Variants in RBM26 observed in about 807,000 individuals in gnomAD.
The protein encoded by RBM26 is RNA binding motif protein 26.
In RBM26, 30 loss-of-function variants were observed where a neutral mutation model predicts 123.6. That is an observed-to-expected ratio of 0.24 (90% CI 0.18 to 0.33). The LOEUF (loss-of-function observed/expected upper bound fraction) is 0.33, where lower values mean the gene tolerates loss of function less well. Among genes scored for constraint, RBM26 ranks in the 10% least tolerant of loss-of-function variants. RBM26 has a pLI of 1.00. For synonymous variants in RBM26, 400 were observed against 404.4 expected (o/e 0.99, Z 0.13); for missense variants, 947 against 1,203.6 (o/e 0.79, Z 3.15).
At position 79,367,406 on chromosome 13, in the gene RBM26, C is replaced by CAAAAAAAAAAAAAAAAAA. The variant is rs776345304; in HGVS notation, c.896-552_896-535dup. On this transcript the variant is annotated intron_variant, in intron 6 of 21. Coordinates refer to ENST00000438737, the MANE Select transcript of RBM26 (RefSeq NM_001366735.2). The stretch of plus-strand genomic sequence containing the variant: ...TGGGGTATAGGGGGAGACTCCATCT[C>CAAAAAAAAAAAAAAAAAA]AAAAAAAAAAAAAAAAAAAAAAAAA... Among the ~76,000 whole-genome samples the CAAAAAAAAAAAAAAAAAA allele has an allele frequency of 6.6e-3, 260 of 39,628 alleles. 29 individuals carry two copies. Among genetic ancestry groups the CAAAAAAAAAAAAAAAAAA allele is most frequent in the Middle Eastern group, 0.015 (2 of 132 alleles). 26.0% of individuals were successfully genotyped at this position (39,628 alleles called of 152,430 possible).
At chr13:79,351,907 G>A (rs906925951) in intron 14 of RBM26, among the ~76,000 whole-genome samples, 1 of 152,126 alleles carries the variant, frequency 6.6e-6, no homozygotes, top group Non-Finnish European at 1.5e-5. Flanking sequence ...TGCACCCAGA[G>A]GCTAGGGAAC....
Position 79,375,081 on chromosome 13 carries a change from T to TC in RBM26, c.327+2297_327+2298insG, listed in dbSNP as rs1555332796. ...TATATTTTTATATATTTATATGATATATATAAATATATATTTATATATATC... is the reference window on the plus strand; with the variant it reads ...TATATTTTTATATATTTATATGATATCATATAAATATATATTTATATATATC... On this transcript the variant is annotated intron_variant, in intron 3 of 21. Coordinates refer to ENST00000438737, the MANE Select transcript of RBM26 (RefSeq NM_001366735.2). Among the ~76,000 whole-genome samples the TC allele has an allele frequency of 2.4e-3, 252 of 104,364 alleles. 2 individuals carry two copies. The highest frequency in any genetic ancestry group is 6.7e-3 in the African/African-American group (221 of 32,792). The allele number at this position is 104,364 out of a possible 152,430, so 68.5% of individuals were successfully genotyped here.
At chr13:79,342,868 T>TACTC in intron 16 of RBM26, 37 bp from the exon 17 acceptor site, 1 of 1,279,884 alleles carries the variant, frequency 7.8e-7, no homozygotes, top group Non-Finnish European at 1.1e-6. Flanking sequence ...TAAAGCTAAT[T>TACTC]ACTCCTATTA....
intron 20 of RBM26, among the ~76,000 whole-genome samples, chr13:79,323,973 G>C: frequency 1.3e-5 from 2 of 148,362 alleles, no homozygotes; most frequent in Admixed American, 1.3e-4. Context: ...TAAAACTATT[G>C]TTTTATATTA....
chr13:79,355,333 C>T lies in RBM26; in HGVS notation c.1741G>A (p.Glu581Lys). The T allele has an allele frequency of 1.2e-6, 2 of 1,613,756 alleles. No individual in the cohort carries two copies. Among genetic ancestry groups the T allele is most frequent in the Non-Finnish European group, 1.7e-6 (2 of 1,179,760 alleles). Residue 581 changes from glutamate to lysine, a missense_variant, in exon 12 of 22, where the codon GAA becomes AAA. Physicochemically the swap from Glu to Lys is moderately conservative, Grantham distance 56. This residue lies in a region of RBM26 where 493 missense variants were observed against 563.1 expected (regional missense o/e 0.88). Coordinates refer to ENST00000438737, the MANE Select transcript of RBM26 (RefSeq NM_001366735.2). Reference sequence around the variant, plus strand: ...CTTGATATTGCTTTCTTTGCTTCTTCGTATGTTGCAAATTGGATTAGGGCA... The same window carrying T: ...CTTGATATTGCTTTCTTTGCTTCTTTGTATGTTGCAAATTGGATTAGGGCA... ...EGALIQFATY[E>K]EAKKAISSTE...
In RBM26 at chr13:79,367,163, T is replaced by C. The variant is rs2075341703; in HGVS notation, c.896-291A>G. Reference sequence around the variant, plus strand: ...GGCTCAGGCCTGTAATCCCAGCACTTTGGGAGGCTGAGGCAGGTGGATCAC... The same window carrying C: ...GGCTCAGGCCTGTAATCCCAGCACTCTGGGAGGCTGAGGCAGGTGGATCAC... On this transcript the variant is annotated intron_variant, in intron 6 of 21. Coordinates refer to ENST00000438737, the MANE Select transcript of RBM26 (RefSeq NM_001366735.2). Among the ~76,000 whole-genome samples, 1 of 151,672 alleles carries C rather than the reference T, an allele frequency of 6.6e-6. No individual in the cohort carries two copies. Among genetic ancestry groups the C allele is most frequent in the African/African-American group, 2.4e-5 (1 of 41,354 alleles).
At chr13:79,401,207 T>C (rs1279585546) in intron 1 of RBM26, among the ~76,000 whole-genome samples, 1 of 152,162 alleles carries the variant, frequency 6.6e-6, no homozygotes, top group African/African-American at 2.4e-5. Flanking sequence ...AAAGGTGTAG[T>C]AACAAGTACA....
chr13:79,355,321 T>C lies in RBM26; in HGVS notation c.1753A>G (p.Lys585Glu). ...ACTGCTTCCGTACTTGATATTGCTT[T>C]CTTTGCTTCTTCGTATGTTGCAAAT... is the stretch of plus-strand genomic sequence containing the variant. ...IQFATYEEAKKAISSTEAVLN... is the reference protein window; with the variant it reads ...IQFATYEEAKEAISSTEAVLN... The change falls in exon 12 of 22, where the codon AAA (lysine) becomes GAA (glutamate). Residue 585 changes from lysine (K) to glutamate (E), a missense_variant. Transcript: ENST00000438737. 6.2e-7 allele frequency: 1 copy of C among 1,613,964 alleles called. No homozygotes were observed. Among genetic ancestry groups the C allele is most frequent in the Non-Finnish European group, 8.5e-7 (1 of 1,179,850 alleles).
intron 1 of RBM26, among the ~76,000 whole-genome samples, chr13:79,389,842 T>C (rs575157449): frequency 1.1e-4 from 16 of 152,240 alleles, no homozygotes; most frequent in Non-Finnish European, 2.1e-4. Context: ...AATTACATCA[T>C]AAATAAAGCA....
intron 1 of RBM26, 82 bp from the exon 2 acceptor site, chr13:79,378,989 A>C: frequency 1.2e-6 from 1 of 858,804 alleles, no homozygotes; most frequent in Non-Finnish European, 1.9e-6. Flanking sequence ...ATTAGTGAGA[A>C]TAATAGTTAA....
chr13:79,337,084 T>G lies in RBM26; in HGVS notation c.2733+18A>C. 6.2e-7 allele frequency: 1 copy of G among 1,607,006 alleles called. No homozygotes were observed. Among genetic ancestry groups the G allele is most frequent in the Non-Finnish European group, 8.5e-7 (1 of 1,174,372 alleles). ...TGATGATTATCAGCATTTGTTTTGTTGAGCAGTAAGAAAGTACCGCAAAAT... is the reference window on the plus strand; with the variant it reads ...TGATGATTATCAGCATTTGTTTTGTGGAGCAGTAAGAAAGTACCGCAAAAT... On this transcript the variant is annotated intron_variant, in intron 19 of 21. Transcript: ENST00000438737.
intron 1 of RBM26, among the ~76,000 whole-genome samples, chr13:79,403,731 C>T (rs529518533): frequency 6.6e-6 from 1 of 152,296 alleles, no homozygotes; most frequent in African/African-American, 2.4e-5. Flanking sequence ...ACATTCTGCT[C>T]CAGAGTTCTC....
intron 14 of RBM26, among the ~76,000 whole-genome samples, chr13:79,348,554 G>A (rs9565492): frequency 0.5 from 76,664 of 151,858 alleles, 19,747 homozygotes; most frequent in Middle Eastern, 0.6. Context: ...TAGTTATGAT[G>A]TCTAGCAGCC....
chr13:79,337,184 G>A lies in RBM26; in HGVS notation c.2651C>T (p.Ala884Val). 6 of 1,614,090 alleles carry A rather than the reference G, an allele frequency of 3.7e-6. No homozygotes were observed. The highest frequency in any genetic ancestry group is 5.1e-6 in the Non-Finnish European group (6 of 1,180,006). Residue 884 changes from alanine (A) to valine (V), a missense_variant, in exon 19 of 22, where the codon GCT (alanine) becomes GTT (valine). Ala to Val is a moderately conservative substitution (Grantham distance 64, BLOSUM62 0). This residue lies in a region of RBM26 where 164 missense variants were observed against 215.3 expected (regional missense o/e 0.76). Transcript: ENST00000438737. ...TGCCCTGGGACGGTGATCCACCACA[G>A]CATGACCAGGCACACCTCGCCCTCG... is the stretch of plus-strand genomic sequence containing the variant. Reference protein sequence around the residue: ...RGRGRGVPGHAVVDHRPRALE... With the variant: ...RGRGRGVPGHVVVDHRPRALE...
chr13:79,381,290 C>T (rs17186845), intron 1 of RBM26, among the ~76,000 whole-genome samples: 9,621 of 152,062 alleles, frequency 0.063, 434 homozygotes, highest in Non-Finnish European at 0.099. Flanking sequence ...CCTCTTACAA[C>T]GAGGTGCCAG....
chr13:79,384,206 A>G (rs2077292347), intron 1 of RBM26, among the ~76,000 whole-genome samples: 1 of 151,980 alleles, frequency 6.6e-6, no homozygotes, highest in Admixed American at 6.6e-5. Flanking sequence ...AACTTTGTCA[A>G]TTCCTGAATA....
At chr13:79,342,568 C>G in intron 17 of RBM26, 96 bp downstream of exon 17, 2 of 973,418 alleles carry the variant, frequency 2.1e-6, no homozygotes, top group Non-Finnish European at 3.1e-6. Context: ...AGATTTTGAA[C>G]AGAAGATATT....
chr13:79,342,858 T>C, intron 16 of RBM26, 27 bp from the exon 17 acceptor site: 1 of 1,394,108 alleles, frequency 7.2e-7, no homozygotes, highest in Non-Finnish European at 1.0e-6. Flanking sequence ...AAGAGAAAAA[T>C]AAAGCTAATT....
chr13:79,334,006 T>A (rs564361927), intron 20 of RBM26, among the ~76,000 whole-genome samples: 2 of 152,126 alleles, frequency 1.3e-5, no homozygotes, highest in East Asian at 3.9e-4. Flanking sequence ...CCAAAGCAGA[T>A]CCTGTTTTGG....
Sources: allele counts gnomAD v4.1 joint callset (sites outside exome capture counted in the v4.1 genomes callset), GRCh38; gene constraint gnomAD v4.1.1; regional missense constraint gnomAD v4.1.1; transcripts MANE v1.5; gene names NCBI Gene and HGNC (gene_info 2026-07-23, HGNC 2026-07-21).